Variants in DLG2 observed in about 807,000 individuals in gnomAD.
DLG2 encodes discs large MAGUK scaffold protein 2, also known as disks large homolog 2.
DLG2 carries 45 observed loss-of-function variants against 132.5 expected under a neutral mutation model. The observed-to-expected ratio is 0.34, with a 90% CI of 0.27 to 0.44. The LOEUF is 0.44. DLG2 is among the 20% of genes least tolerant of loss of function. The pLI is 1.00. For missense variants in DLG2, 1,045 were observed against 1,196.9 expected, an observed-to-expected ratio of 0.87 and a Z score of 1.87; for synonymous variants, 424 against 419.6, an observed-to-expected ratio of 1.01 and a Z score of -0.13.
intron 6 of DLG2, among the ~76,000 whole-genome samples, chr11:85,019,661 C>T (rs2059868385): frequency 6.6e-6 from 1 of 152,018 alleles, no homozygotes; most frequent in South Asian, 2.1e-4. Flanking sequence ...ATGTTCCCCA[C>T]CCTGTGTCCA....
intron 22 of DLG2, among the ~76,000 whole-genome samples, chr11:83,473,133 T>C (rs2092268720): frequency 6.6e-6 from 1 of 152,150 alleles, no homozygotes; most frequent in East Asian, 1.9e-4. Context: ...ATTCAATAGA[T>C]GGCTGCTACA....
intron 6 of DLG2, among the ~76,000 whole-genome samples, chr11:84,766,421 A>G (rs140786207): frequency 9.9e-4 from 151 of 152,104 alleles, no homozygotes; most frequent in African/African-American, 3.5e-3. Flanking sequence ...TCGCTCAGGG[A>G]TAATATTCAA....
At chr11:83,816,645 C>T (rs1303691875) in intron 17 of DLG2, among the ~76,000 whole-genome samples, 1 of 152,064 alleles carries the variant, frequency 6.6e-6, no homozygotes, top group Non-Finnish European at 1.5e-5. Flanking sequence ...AACTACTAAA[C>T]CCATAATCAC....
chr11:85,022,556 C>T (rs1208152395), intron 6 of DLG2, among the ~76,000 whole-genome samples: 1 of 152,036 alleles, frequency 6.6e-6, no homozygotes. Context: ...TGGATGCAAG[C>T]TATACTGTGT....
chr11:84,996,372 C>T (rs999533940), intron 6 of DLG2, among the ~76,000 whole-genome samples: 1 of 151,992 alleles, frequency 6.6e-6, no homozygotes, highest in Non-Finnish European at 1.5e-5. Flanking sequence ...TGTCTCTTAA[C>T]TTCTCCCTTA....
At chr11:84,688,322 A>G (rs2099739894) in intron 6 of DLG2, among the ~76,000 whole-genome samples, 1 of 152,212 alleles carries the variant, frequency 6.6e-6, no homozygotes, top group Non-Finnish European at 1.5e-5. Flanking sequence ...GCCAAAGTAT[A>G]TATAAAATAA....
chr11:84,711,331 A>AGG (rs2060399024), intron 6 of DLG2, among the ~76,000 whole-genome samples: 1 of 13,010 alleles, frequency 7.7e-5, no homozygotes, highest in Non-Finnish European at 1.6e-4. Flanking sequence ...AGAACCAGTA[A>AGG]GAGAGAGAGA....
intron 14 of DLG2, among the ~76,000 whole-genome samples, chr11:83,947,291 C>T (rs1216655928): frequency 6.6e-6 from 1 of 151,862 alleles, no homozygotes; most frequent in African/African-American, 2.4e-5. Context: ...ATAGACTTTT[C>T]TTTTTGCATG....
intron 9 of DLG2, among the ~76,000 whole-genome samples, chr11:84,157,432 A>T (rs1177400116): frequency 6.6e-6 from 1 of 152,138 alleles, no homozygotes; most frequent in Non-Finnish European, 1.5e-5. Context: ...TACTTTTTAA[A>T]AAAATTTTAT....
intron 8 of DLG2, among the ~76,000 whole-genome samples, chr11:84,236,872 C>T (rs891973663): frequency 6.6e-6 from 1 of 151,586 alleles, no homozygotes; most frequent in African/African-American, 2.4e-5. Flanking sequence ...TATACCCAGA[C>T]TCAGACCCAT....
intron 6 of DLG2, among the ~76,000 whole-genome samples, chr11:84,646,227 C>A (rs995218953): frequency 6.6e-6 from 1 of 152,040 alleles, no homozygotes; most frequent in Admixed American, 6.5e-5. Context: ...GAAAATAATC[C>A]CTTTCCCATA....
intron 3 of DLG2, among the ~76,000 whole-genome samples, chr11:85,295,151 A>T (rs1016636): frequency 0.035 from 5,322 of 152,218 alleles, 143 homozygotes; most frequent in Admixed American, 0.049. Context: ...TCAATTTCAC[A>T]TCAATCATTC....
intron 18 of DLG2, among the ~76,000 whole-genome samples, chr11:83,717,296 G>A (rs1474925856): frequency 6.6e-6 from 1 of 152,102 alleles, no homozygotes; most frequent in Non-Finnish European, 1.5e-5. Context: ...ATCTAATCTA[G>A]ATGACTTAAA....
At chr11:85,013,792 A>T (rs1464443342) in intron 6 of DLG2, among the ~76,000 whole-genome samples, 5 of 152,184 alleles carry the variant, frequency 3.3e-5, no homozygotes, top group Non-Finnish European at 7.4e-5. Flanking sequence ...AAAAAAATCT[A>T]TCCTAATGTG....
intron 4 of DLG2, among the ~76,000 whole-genome samples, chr11:85,193,758 T>C (rs1258453506): frequency 1.3e-5 from 2 of 152,266 alleles, no homozygotes; most frequent in African/African-American, 4.8e-5. Flanking sequence ...AGAGTTCTTA[T>C]ATATGCTGAA....
At chr11:85,478,990 T>C (rs751090772) in intron 3 of DLG2, among the ~76,000 whole-genome samples, 4 of 152,174 alleles carry the variant, frequency 2.6e-5, no homozygotes, top group African/African-American at 4.8e-5. Context: ...AAACAAGATA[T>C]AGAAAGCATA....
chr11:84,861,120 T>C (rs1328370412), intron 6 of DLG2, among the ~76,000 whole-genome samples: 2 of 152,038 alleles, frequency 1.3e-5, no homozygotes, highest in Non-Finnish European at 2.9e-5. Flanking sequence ...CAGGCTGCTA[T>C]AGGAACAAAA....
At chr11:84,547,902 AG>A (rs1279458029) in intron 6 of DLG2, among the ~76,000 whole-genome samples, 2 of 152,190 alleles carry the variant, frequency 1.3e-5, no homozygotes, top group Non-Finnish European at 2.9e-5. Flanking sequence ...CACCATGACT[AG>A]CACATCCTAG....
rs193093193 is a variant in DLG2 at position 84,682,733 on chromosome 11, T to C, written c.358-148002A>G. Among the ~76,000 whole-genome samples, 9 of 152,302 alleles carry C rather than the reference T, an allele frequency of 5.9e-5. No individual in the cohort carries two copies. The East Asian group carries it at 1.7e-3, about 29-fold the overall frequency. ...CAGCTCAGTTTTAGGATTAATCTAA[T>C]CTCACACAGAGGACTCTAGGAAGCC... On this transcript the variant is annotated intron_variant, in intron 6 of 27. Transcript: ENST00000376104.
Sources: allele counts gnomAD v4.1 joint callset (sites outside exome capture counted in the v4.1 genomes callset), GRCh38; gene constraint gnomAD v4.1.1; transcripts MANE v1.5; gene names NCBI Gene and HGNC (gene_info 2026-07-23, HGNC 2026-07-21).